Variants in GRM7 observed in about 807,000 individuals in gnomAD.
GRM7 encodes the protein metabotropic glutamate receptor 7.
Under a neutral mutation model 84.5 loss-of-function variants are expected in GRM7, and 35 were observed. That is an observed-to-expected ratio of 0.41 (90% CI 0.32 to 0.55). The LOEUF is 0.55. Among genes scored for constraint, GRM7 ranks in the 20% least tolerant of loss-of-function variants. The pLI is 0.19. For missense variants in GRM7, 1,003 were observed against 1,194.6 expected, an observed-to-expected ratio of 0.84 and a Z score of 2.36; for synonymous variants, 487 against 455.1, an observed-to-expected ratio of 1.07 and a Z score of -0.89.
At chr3:6,934,090 T>G (rs1697602760) in intron 1 of GRM7, among the ~76,000 whole-genome samples, 1 of 152,176 alleles carries the variant, frequency 6.6e-6, no homozygotes, top group South Asian at 2.1e-4. Flanking sequence ...CATCTGCCAG[T>G]ATACACCATG....
At chr3:6,978,585 A>AG (rs1694084136) in intron 1 of GRM7, among the ~76,000 whole-genome samples, 1 of 152,182 alleles carries the variant, frequency 6.6e-6, no homozygotes, top group Non-Finnish European at 1.5e-5. Context: ...TAGTCAAATG[A>AG]ATGCTGGGTT....
intron 2 of GRM7, among the ~76,000 whole-genome samples, chr3:7,227,889 C>G (rs1347438687): frequency 1.3e-5 from 2 of 152,098 alleles, no homozygotes; most frequent in African/African-American, 4.8e-5. Flanking sequence ...GGAGTAGTCC[C>G]TAGGTTAGGG....
At chr3:7,130,529 C>T (rs532006836) in intron 1 of GRM7, among the ~76,000 whole-genome samples, 6 of 147,464 alleles carry the variant, frequency 4.1e-5, no homozygotes, top group East Asian at 4.0e-4. Flanking sequence ...AGTGACAGTG[C>T]GAGATTCTTG....
rs191460565 is a variant in GRM7, at chr3:7,349,416, A to G, written c.1033+42764A>G. On this transcript the variant is annotated intron_variant, in intron 4 of 9. Transcript: ENST00000357716. ...TAATGGCTAGCTGTTCCTCAAGCACAGTATGAATATTTCTGATTTGGAATT... is the reference window on the plus strand; with the variant it reads ...TAATGGCTAGCTGTTCCTCAAGCACGGTATGAATATTTCTGATTTGGAATT... Among the ~76,000 whole-genome samples, 400 of 152,278 alleles carry G rather than the reference A, an allele frequency of 2.6e-3. 2 individuals carry two copies. The highest frequency in any genetic ancestry group is 9.0e-3 in the African/African-American group (376 of 41,572).
chr3:6,899,960 T>C (rs1233612441), intron 1 of GRM7, among the ~76,000 whole-genome samples: 1 of 152,146 alleles, frequency 6.6e-6, no homozygotes, highest in Non-Finnish European at 1.5e-5. Flanking sequence ...AAATACGTCT[T>C]TGTCAAAAAT....
At chr3:7,519,253 T>C (rs1700502633) in intron 7 of GRM7, among the ~76,000 whole-genome samples, 1 of 151,934 alleles carries the variant, frequency 6.6e-6, no homozygotes, top group Admixed American at 6.6e-5. Flanking sequence ...TCCCAGCTAT[T>C]TGGGAGGCTG....
intron 1 of GRM7, among the ~76,000 whole-genome samples, chr3:7,119,132 T>C (rs1328109069): frequency 6.6e-6 from 1 of 152,170 alleles, no homozygotes; most frequent in Non-Finnish European, 1.5e-5. Context: ...ACTATGAGTG[T>C]GCGTGTTTGT....
chr3:7,639,630 C>T (rs190354660), intron 8 of GRM7, among the ~76,000 whole-genome samples: 2 of 152,214 alleles, frequency 1.3e-5, no homozygotes, highest in African/African-American at 2.4e-5. Flanking sequence ...TAAACTCCTA[C>T]TACCTTTTTA....
At chr3:7,198,233 A>T (rs1257846485) in intron 2 of GRM7, among the ~76,000 whole-genome samples, 1 of 152,190 alleles carries the variant, frequency 6.6e-6, no homozygotes, top group Non-Finnish European at 1.5e-5. Context: ...TATATATGCA[A>T]CAGCACAGAT....
At chr3:7,652,064 C>G (rs556123955) in intron 8 of GRM7, among the ~76,000 whole-genome samples, 1 of 152,298 alleles carries the variant, frequency 6.6e-6, no homozygotes, top group South Asian at 2.1e-4. Flanking sequence ...GAAGGGTAGT[C>G]CATTTACCTG....
intron 8 of GRM7, 23 bp downstream of exon 8, chr3:7,579,380 A>G (rs1490043277): frequency 2.9e-6 from 4 of 1,372,810 alleles, no homozygotes; most frequent in Non-Finnish European, 4.0e-6. Flanking sequence ...GCACATCATA[A>G]TATGTTTTTT....
chr3:7,083,353 T>C (rs147481827), intron 1 of GRM7, among the ~76,000 whole-genome samples: 18 of 152,294 alleles, frequency 1.2e-4, no homozygotes, highest in African/African-American at 3.1e-4. Context: ...AAGGGATGCA[T>C]ATTTTTTATG....
At chr3:7,105,520 C>T (rs531276749) in intron 1 of GRM7, among the ~76,000 whole-genome samples, 4 of 151,968 alleles carry the variant, frequency 2.6e-5, no homozygotes, top group African/African-American at 7.2e-5. Context: ...CAGACATCTA[C>T]GGTGCTGGGG....
intron 1 of GRM7, among the ~76,000 whole-genome samples, chr3:6,883,336 ATC>A (rs1319765741): frequency 6.6e-6 from 1 of 152,036 alleles, no homozygotes; most frequent in African/African-American, 2.4e-5. Context: ...ATAAATTATA[ATC>A]TCATGTTTAT....
chr3:7,315,916 A>G (rs1352088814), intron 4 of GRM7, among the ~76,000 whole-genome samples: 2 of 152,186 alleles, frequency 1.3e-5, no homozygotes, highest in East Asian at 1.9e-4. Context: ...ATCACACCTG[A>G]CAAGTGCTAT....
intron 7 of GRM7, among the ~76,000 whole-genome samples, chr3:7,529,057 T>C (rs898631562): frequency 2.0e-5 from 3 of 152,028 alleles, no homozygotes; most frequent in Non-Finnish European, 4.4e-5. Flanking sequence ...ACTTAAGAAC[T>C]TTTTTGTTAG....
At chr3:7,251,535 G>A (rs1174646192) in intron 2 of GRM7, among the ~76,000 whole-genome samples, 3 of 152,086 alleles carry the variant, frequency 2.0e-5, no homozygotes, top group Admixed American at 2.0e-4. Context: ...CACTATAATA[G>A]CATAGGTAGT....
intron 1 of GRM7, among the ~76,000 whole-genome samples, chr3:7,032,647 T>G (rs1276210346): frequency 1.3e-5 from 2 of 152,132 alleles, no homozygotes; most frequent in Non-Finnish European, 2.9e-5. Flanking sequence ...TGGAAGATAC[T>G]ATGGCATGAG....
chr3:6,951,556 C>T (rs1261476833), intron 1 of GRM7, among the ~76,000 whole-genome samples: 1 of 152,078 alleles, frequency 6.6e-6, no homozygotes, highest in Non-Finnish European at 1.5e-5. Context: ...GGTTATTTTG[C>T]AGTACATTAT....
Sources: allele counts gnomAD v4.1 joint callset (sites outside exome capture counted in the v4.1 genomes callset), GRCh38; gene constraint gnomAD v4.1.1; transcripts MANE v1.5; gene names NCBI Gene and HGNC (gene_info 2026-07-23, HGNC 2026-07-21).